RCAN1: variants seen among roughly 807,000 people sequenced by gnomAD.
The protein encoded by RCAN1 is calcipressin-1.
A neutral mutation model predicts 22.9 loss-of-function variants in RCAN1; 11 were observed. That is an observed-to-expected ratio of 0.48 (90% CI 0.30 to 0.79). The LOEUF is 0.79. Ranked by LOEUF, RCAN1 falls within the 30% of genes least tolerant of loss-of-function variation. The probability of loss-of-function intolerance (pLI) is 0.06; values close to 1 mark genes in which losing one functional copy is unlikely to be tolerated. For missense variants in RCAN1, 291 were observed against 337.8 expected (o/e 0.86, Z 1.09); for synonymous variants, 136 against 142.3 (o/e 0.96, Z 0.32).
chr21:34,582,640 A>G (rs1248518258), intron 1 of RCAN1, among the ~76,000 whole-genome samples: 1 of 152,196 alleles, frequency 6.6e-6, no homozygotes, highest in Admixed American at 6.5e-5. Context: ...ACGTCCTCAC[A>G]TGCCCAGGCA....
chr21:34,516,824 A>G lies in RCAN1; in HGVS notation c.*1260T>C, dbSNP rs1984074901. ...CGGTATTGTAAGGCCAAAATATAAT[A>G]CCTATTTACCAGACATACACATTAC... is the stretch of plus-strand genomic sequence containing the variant. On this transcript the variant is annotated 3_prime_UTR_variant, in exon 4 of 4. Coordinates refer to ENST00000313806, the MANE Select transcript of RCAN1 (RefSeq NM_004414.7). 1 of 152,534 alleles carries G rather than the reference A, an allele frequency of 6.6e-6. No homozygotes were observed. Among genetic ancestry groups the G allele is most frequent in the Non-Finnish European group, 1.5e-5 (1 of 68,046 alleles). 9.4% of individuals were successfully genotyped at this position (152,534 alleles called of 1,614,324 possible).
chr21:34,546,750 G>C (rs556533237), intron 1 of RCAN1, among the ~76,000 whole-genome samples: 4 of 152,100 alleles, frequency 2.6e-5, no homozygotes, highest in African/African-American at 9.7e-5. Context: ...ATAGCAATGG[G>C]TTTTTCCCTG....
At chr21:34,578,093 C>T (rs960145332) in intron 1 of RCAN1, among the ~76,000 whole-genome samples, 4 of 152,092 alleles carry the variant, frequency 2.6e-5, no homozygotes, top group East Asian at 1.9e-4. Flanking sequence ...AAACTGAGGG[C>T]ACCAAGGTCA....
intron 1 of RCAN1, among the ~76,000 whole-genome samples, chr21:34,539,680 G>C (rs9284458): frequency 0.93 from 141,893 of 152,318 alleles, 66,130 homozygotes; most frequent in African/African-American, 0.95. Flanking sequence ...AATCGACTTT[G>C]CCTGTTTTTG....
In RCAN1 at chr21:34,614,952, G is replaced by C. The variant is rs1224737997; in HGVS notation, c.60C>G (p.Ala20=). ...TCACCCCGGGCCGCGCTCGCGCCTC[G>C]GCCGCCTCCGCCGCCTCCGCCGCGG... The part of the protein sequence containing the change: ...LGAAAEAAEA[A]EARARPGVTL... The change falls in exon 1 of 4, where the codon GCC becomes GCG. Residue 20 remains alanine (A), a synonymous_variant. Transcript: ENST00000313806. The surrounding 1 kb of genome is among the most constrained non-coding windows in gnomAD (Gnocchi z 6.0). 2 of 1,176,352 alleles carry C rather than the reference G, an allele frequency of 1.7e-6. No individual in the cohort carries two copies. Among genetic ancestry groups the C allele is most frequent in the East Asian group, 8.4e-5 (2 of 23,804 alleles). The allele number at this position is 1,176,352 out of a possible 1,614,324, so 72.9% of individuals were successfully genotyped here.
At chr21:34,530,960 T>C (rs962477799) in intron 1 of RCAN1, among the ~76,000 whole-genome samples, 2 of 152,168 alleles carry the variant, frequency 1.3e-5, no homozygotes, top group African/African-American at 4.8e-5. Context: ...TTCCCCAGCC[T>C]AAGTTACTAC....
At chr21:34,602,466 A>G (rs1429248378) in intron 1 of RCAN1, among the ~76,000 whole-genome samples, 1 of 152,192 alleles carries the variant, frequency 6.6e-6, no homozygotes, top group Non-Finnish European at 1.5e-5. Context: ...TCACTTTCCA[A>G]ACACCTGCAG....
intron 1 of RCAN1, chr21:34,613,883 C>A: frequency 7.2e-7 from 1 of 1,388,406 alleles, no homozygotes. Context: ...GCGCTGAAAG[C>A]ACTGCTTTTT....
intron 1 of RCAN1, among the ~76,000 whole-genome samples, chr21:34,595,825 G>A (rs983795832): frequency 3.9e-5 from 6 of 152,206 alleles, no homozygotes; most frequent in East Asian, 1.9e-4. Context: ...AGGAGCTGGG[G>A]ACCTGTGGTG....
intron 1 of RCAN1, among the ~76,000 whole-genome samples, chr21:34,556,979 G>A (rs9979698): frequency 0.43 from 66,017 of 152,124 alleles, 14,911 homozygotes; most frequent in South Asian, 0.48. Flanking sequence ...TTGGGAGGCC[G>A]AGGCAGGCGG....
At chr21:34,541,494 T>C (rs1985910335) in intron 1 of RCAN1, among the ~76,000 whole-genome samples, 1 of 152,260 alleles carries the variant, frequency 6.6e-6, no homozygotes, top group Non-Finnish European at 1.5e-5. Context: ...GGTGCTTTTA[T>C]TAAAGGACAT....
intron 1 of RCAN1, 98 bp from the exon 2 acceptor site, chr21:34,523,808 A>AGCAAGACTCT: frequency 2.0e-6 from 2 of 1,010,936 alleles, no homozygotes; most frequent in Non-Finnish European, 2.9e-6. Flanking sequence ...TTCGAGACAG[A>AGCAAGACTCT]GTCTTGCTCT....
intron 1 of RCAN1, among the ~76,000 whole-genome samples, chr21:34,606,330 C>A (rs889258018): frequency 4.6e-5 from 7 of 152,180 alleles, no homozygotes. Flanking sequence ...CTGCCTGCTG[C>A]ACCCTTGCAA....
intron 1 of RCAN1, among the ~76,000 whole-genome samples, chr21:34,552,426 C>T (rs143095794): frequency 1.4e-3 from 215 of 152,272 alleles, no homozygotes; most frequent in African/African-American, 5.0e-3. Flanking sequence ...TGATACTATG[C>T]GATGTTAAGT....
intron 1 of RCAN1, among the ~76,000 whole-genome samples, chr21:34,564,561 G>A (rs1986935259): frequency 6.6e-6 from 1 of 152,120 alleles, no homozygotes; most frequent in South Asian, 2.1e-4. Context: ...GGAGGGCCAG[G>A]CCAGTGAATA....
intron 1 of RCAN1, among the ~76,000 whole-genome samples, chr21:34,583,484 G>A: frequency 6.6e-6 from 1 of 152,190 alleles, no homozygotes; most frequent in East Asian, 1.9e-4. Context: ...TCATGAGGGT[G>A]GGGCCCCAAT....
chr21:34,562,854 A>T (rs1032189177), intron 1 of RCAN1, among the ~76,000 whole-genome samples: 3 of 152,252 alleles, frequency 2.0e-5, no homozygotes, highest in Non-Finnish European at 2.9e-5. Flanking sequence ...AATAACGCAC[A>T]GTAGGATATT....
chr21:34,590,242 C>A, intron 1 of RCAN1, among the ~76,000 whole-genome samples: 1 of 152,182 alleles, frequency 6.6e-6, no homozygotes. Context: ...ACCACAGCCC[C>A]CATGTGCTTA....
rs1285787243 is a variant in RCAN1, at chr21:34,546,241, A to G, written c.253-22531T>C. Among the ~76,000 whole-genome samples, 6 of 152,326 alleles carry G rather than the reference A, an allele frequency of 3.9e-5. No homozygotes were observed. In the East Asian group the frequency reaches 1.2e-3, roughly 29 times the overall value. Reference sequence around the variant, plus strand: ...TTTTTGTGTTAAAAAATCCCCACCTAACAACACTCTCTTCCTTACATTTCT... The same window carrying G: ...TTTTTGTGTTAAAAAATCCCCACCTGACAACACTCTCTTCCTTACATTTCT... On this transcript the variant is annotated intron_variant, in intron 1 of 3. Transcript: ENST00000313806.
Sources: allele counts gnomAD v4.1 joint callset (sites outside exome capture counted in the v4.1 genomes callset), GRCh38; gene constraint gnomAD v4.1.1; non-coding constraint Gnocchi (gnomAD v3.1); transcripts MANE v1.5; gene names NCBI Gene and HGNC (gene_info 2026-07-23, HGNC 2026-07-21).